UNC80: variants seen among roughly 807,000 people sequenced by gnomAD.
UNC80 encodes protein unc-80 homolog.
UNC80 carries 164 observed loss-of-function variants against 384.6 expected under a neutral mutation model. The observed-to-expected ratio is 0.43, with a 90% CI of 0.38 to 0.49. The LOEUF (loss-of-function observed/expected upper bound fraction) is 0.49. Among genes scored for constraint, UNC80 ranks in the 20% least tolerant of loss-of-function variants. The pLI is 0.00. For missense variants in UNC80, 3,330 were observed against 4,143.0 expected (o/e 0.80, Z 5.39); for synonymous variants, 1,486 against 1,527.8 (o/e 0.97, Z 0.64).
chr2:209,971,584 G>C (rs752245342), intron 54 of UNC80, among the ~76,000 whole-genome samples: 1 of 149,142 alleles, frequency 6.7e-6, no homozygotes, highest in Non-Finnish European at 1.5e-5. Context: ...CACAACTGAT[G>C]TAAATGGATA....
chr2:209,775,029 T>TG (rs1456660577), intron 2 of UNC80, among the ~76,000 whole-genome samples: 1 of 152,236 alleles, frequency 6.6e-6, no homozygotes, highest in African/African-American at 2.4e-5. Flanking sequence ...TTTTATTGAC[T>TG]GGGGCATCAA....
At chr2:209,811,010 G>A (rs1306037074) in intron 7 of UNC80, among the ~76,000 whole-genome samples, 2 of 152,154 alleles carry the variant, frequency 1.3e-5, no homozygotes, top group African/African-American at 4.8e-5. Context: ...GGTTGCGTGC[G>A]TCATTCATCT....
chr2:209,782,550 A>G (rs1443982126), intron 4 of UNC80, among the ~76,000 whole-genome samples: 2 of 152,030 alleles, frequency 1.3e-5, no homozygotes, highest in African/African-American at 2.4e-5. Flanking sequence ...ACTAGATTCT[A>G]AATGGTCTGT....
chr2:209,813,955 G>A, intron 8 of UNC80, 114 bp downstream of exon 8: 1 of 1,328,404 alleles, frequency 7.5e-7, no homozygotes, highest in African/African-American at 1.5e-5. Flanking sequence ...TTGGTTGGTG[G>A]GTTACACTGT....
At chr2:209,804,573 A>G (rs1397291099) in intron 7 of UNC80, among the ~76,000 whole-genome samples, 1 of 152,096 alleles carries the variant, frequency 6.6e-6, no homozygotes, top group Non-Finnish European at 1.5e-5. Context: ...AGGGTCCACT[A>G]GAATGGAAAA....
chr2:209,868,140 A>G (rs907407345), intron 22 of UNC80, among the ~76,000 whole-genome samples: 5 of 152,214 alleles, frequency 3.3e-5, no homozygotes, highest in African/African-American at 1.2e-4. Context: ...CAGAGAATTC[A>G]ATACAGCTAA....
rs371410866 is a variant in UNC80, at chr2:209,982,566, A to G, written c.9257+249A>G. 718 of 345,930 alleles carry G rather than the reference A, an allele frequency of 2.1e-3. 1 individual carries two copies. Among genetic ancestry groups the G allele is most frequent in the Non-Finnish European group, 2.7e-3 (516 of 192,734 alleles). The allele number at this position is 345,930 out of a possible 1,614,324, so 21.4% of individuals were successfully genotyped here. On this transcript the variant is annotated intron_variant, in intron 60 of 64. Coordinates refer to ENST00000673920, the MANE Select transcript of UNC80 (RefSeq NM_001371986.1). ...CTCCTTAAAAATTTTCCATAGACAC[A>G]TGGTCTTCTTTCTGTTGTCAAATGG...
chr2:209,881,267 C>A (rs116701021), intron 25 of UNC80, among the ~76,000 whole-genome samples, 173 bp downstream of exon 25: 3,182 of 152,170 alleles, frequency 0.021, 101 homozygotes, highest in African/African-American at 0.071. Flanking sequence ...TTCCTCATTA[C>A]AAATAATAAT....
rs191830048 is a variant in UNC80 at position 209,994,077 on chromosome 2, G to T, written c.9521G>T (p.Arg3174Leu). 3.9e-6 allele frequency: 6 copies of T among 1,550,534 alleles called. No homozygotes were observed. The highest frequency in any genetic ancestry group is 2.5e-5 in the East Asian group (1 of 40,800). The change falls in exon 64 of 65, where the codon CGA becomes CTA. Residue 3174 changes from arginine (R) to leucine (L), a missense_variant. Coordinates refer to ENST00000673920, the MANE Select transcript of UNC80 (RefSeq NM_001371986.1). The part of the protein sequence containing the change: ...PKTKPSADQK[R>L]SVTFIEAQPE... The stretch of plus-strand genomic sequence containing the variant: ...CCTCTACCTGCAGCGGATCAGAAAC[G>T]ATCTGTGACCTTCATTGAGGCTCAG...
At chr2:209,793,500 G>C (rs890846656) in intron 6 of UNC80, among the ~76,000 whole-genome samples, 3 of 152,116 alleles carry the variant, frequency 2.0e-5, no homozygotes, top group Non-Finnish European at 4.4e-5. Context: ...TACTTTGCCT[G>C]ATGCTTGAAA....
Position 209,777,564 on chromosome 2 carries a change from G to C in UNC80, c.600+5G>C. The C allele has an allele frequency of 6.3e-7, 1 of 1,598,952 alleles. No homozygotes were observed. The highest frequency in any genetic ancestry group is 1.1e-5 in the South Asian group (1 of 88,204). ...CCCCTGGTACACAGGATCAAGGTAA[G>C]CAGAAACCCAGTGTTAGAGCTGGAG... On this transcript the variant is annotated splice_donor_5th_base_variant and intron_variant, in intron 4 of 64. Transcript: ENST00000673920.
chr2:209,808,328 C>T (rs867466471), intron 7 of UNC80, among the ~76,000 whole-genome samples: 2 of 151,988 alleles, frequency 1.3e-5, no homozygotes, highest in East Asian at 1.9e-4. Flanking sequence ...TTTGGGAAGC[C>T]GAGGCGAGTG....
chr2:209,953,062 A>G (rs962876778), intron 47 of UNC80, among the ~76,000 whole-genome samples: 5 of 152,148 alleles, frequency 3.3e-5, no homozygotes, highest in Admixed American at 2.0e-4. Flanking sequence ...TGGGATATCA[A>G]CTCATCACTG....
At chr2:209,862,556 T>C (rs1253879282) in intron 22 of UNC80, among the ~76,000 whole-genome samples, 1 of 152,098 alleles carries the variant, frequency 6.6e-6, no homozygotes, top group Non-Finnish European at 1.5e-5. Context: ...TGTTGAATTG[T>C]TCTGTTTACC....
rs370776173 is a variant in UNC80, at chr2:209,976,449, C to A, written c.8772+146C>A. 1.9e-6 allele frequency: 2 copies of A among 1,038,500 alleles called. No homozygotes were observed. Among genetic ancestry groups the A allele is most frequent in the Admixed American group, 2.9e-5 (1 of 34,096 alleles). 64.3% of individuals were successfully genotyped at this position (1,038,500 alleles called of 1,614,324 possible). A position where few individuals can be genotyped will look rare whatever the true frequency, so the allele number is the denominator to read the frequency against. The stretch of plus-strand genomic sequence containing the variant: ...TTAATACCATGCTTGATGAGAAAAC[C>A]GCCCAAAAATATATTCCAGAGGATA... On this transcript the variant is annotated intron_variant, in intron 57 of 64. Transcript: ENST00000673920. This position sits in a 1 kb window ranked among gnomAD's most constrained non-coding sequence, Gnocchi z 4.3.
At chr2:209,856,748 G>T (rs1393353085) in intron 22 of UNC80, among the ~76,000 whole-genome samples, 7 of 150,204 alleles carry the variant, frequency 4.7e-5, no homozygotes, top group African/African-American at 9.9e-5. Context: ...CTGGGTTTTG[G>T]TTTTTTTGTT....
chr2:209,843,815 G>C (rs1326103431), intron 21 of UNC80, among the ~76,000 whole-genome samples: 1 of 152,144 alleles, frequency 6.6e-6, no homozygotes, highest in Non-Finnish European at 1.5e-5. Flanking sequence ...GAACCATACA[G>C]TTAATTTTCT....
rs912541995 is a variant in UNC80 at position 209,996,867 on chromosome 2, T to G, written c.*1272T>G. On this transcript the variant is annotated 3_prime_UTR_variant, in exon 65 of 65. Coordinates refer to ENST00000673920, the MANE Select transcript of UNC80 (RefSeq NM_001371986.1). ...GCATATACAAACTCATATACATACT[T>G]AAATTGGTACGGTGGTGTATGTGTG... 1 of 152,096 alleles carries G rather than the reference T, an allele frequency of 6.6e-6. No homozygotes were observed. Among genetic ancestry groups the G allele is most frequent in the Non-Finnish European group, 1.5e-5 (1 of 67,994 alleles). 9.4% of individuals were successfully genotyped at this position (152,096 alleles called of 1,614,324 possible). A position where few individuals can be genotyped will look rare whatever the true frequency, so the allele number is the denominator to read the frequency against.
At position 209,834,919 on chromosome 2, in the gene UNC80, G is replaced by A. The variant is rs377490108; in HGVS notation, c.2950G>A (p.Ala984Thr). ...SKPAGSKRSE[A>T]GSIVDKGQVS... ...AATGCACCATTTGCATAGGTCAGAG[G>A]CGGGAAGCATTGTGGATAAAGGCCA... The change falls in exon 18 of 65, where the codon GCG becomes ACG. Residue 984 changes from alanine (A) to threonine (T), a missense_variant. Around this residue, in one of 8 missense-constraint regions of UNC80, gnomAD observed 801 missense variants for 950.8 expected, o/e 0.84. Coordinates refer to ENST00000673920, the MANE Select transcript of UNC80 (RefSeq NM_001371986.1). 3.9e-6 allele frequency: 6 copies of A among 1,549,710 alleles called. No homozygotes were observed. The African/African-American group carries it at 8.2e-5, about 21-fold the overall frequency.
Sources: allele counts gnomAD v4.1 joint callset (sites outside exome capture counted in the v4.1 genomes callset), GRCh38; gene constraint gnomAD v4.1.1; regional missense constraint gnomAD v4.1.1; non-coding constraint Gnocchi (gnomAD v3.1); transcripts MANE v1.5; gene names NCBI Gene and HGNC (gene_info 2026-07-23, HGNC 2026-07-21).